The following RANBP17 variants were observed in gnomAD, a reference collection of about 807,000 sequenced individuals.
The protein encoded by RANBP17 is RAN binding protein 17, also known as ran-binding protein 17.
Under a neutral mutation model 141.2 loss-of-function variants are expected in RANBP17, and 158 were observed. That is an observed-to-expected ratio of 1.12 (90% CI 0.98 to 1.28). The LOEUF (loss-of-function observed/expected upper bound fraction) is 1.28, where lower values mean the gene tolerates loss of function less well. Among genes scored for constraint, RANBP17 ranks in the 50% most tolerant of loss-of-function variants. The pLI is 0.00. For missense variants in RANBP17, 1,438 were observed against 1,290.7 expected (o/e 1.11, Z -1.75); for synonymous variants, 430 against 450.0 (o/e 0.96, Z 0.56).
At chr5:171,272,971 A>G (rs1351821940) in intron 25 of RANBP17, among the ~76,000 whole-genome samples, 1 of 152,152 alleles carries the variant, frequency 6.6e-6, no homozygotes, top group East Asian at 1.9e-4. Flanking sequence ...TTGAAGGTAT[A>G]TAATTTAGTA....
At chr5:171,180,656 A>G (rs928811061) in intron 16 of RANBP17, among the ~76,000 whole-genome samples, 2 of 152,236 alleles carry the variant, frequency 1.3e-5, no homozygotes, top group African/African-American at 2.4e-5. Context: ...AGCCAGAACT[A>G]GCTTTGAATT....
At chr5:171,234,010 A>C (rs1764370593) in intron 22 of RANBP17, among the ~76,000 whole-genome samples, 1 of 151,286 alleles carries the variant, frequency 6.6e-6, no homozygotes, top group Non-Finnish European at 1.5e-5. Context: ...TAATCGCTGT[A>C]CCTCTCTCTC....
intron 2 of RANBP17, 66 bp from the exon 3 acceptor site, chr5:170,881,740 A>C: frequency 8.8e-7 from 1 of 1,132,648 alleles, no homozygotes; most frequent in Non-Finnish European, 1.2e-6. Context: ...TTAGAAGAAC[A>C]TCTCTATCAC....
intron 5 of RANBP17, chr5:170,896,332 T>G: frequency 2.1e-6 from 1 of 469,388 alleles, no homozygotes; most frequent in Non-Finnish European, 3.7e-6. Flanking sequence ...TACAGAGTAT[T>G]ACAAAGAACA....
intron 12 of RANBP17, among the ~76,000 whole-genome samples, chr5:170,933,888 C>G (rs1313138384): frequency 6.6e-6 from 1 of 152,152 alleles, no homozygotes. Flanking sequence ...AATGTATATT[C>G]TGTTGATTTG....
At chr5:171,157,209 G>C (rs749691905) in intron 14 of RANBP17, among the ~76,000 whole-genome samples, 1 of 152,118 alleles carries the variant, frequency 6.6e-6, no homozygotes, top group Non-Finnish European at 1.5e-5. Flanking sequence ...TTCCTAATTA[G>C]TCTAAATGTC....
intron 10 of RANBP17, 124 bp from the exon 11 acceptor site, chr5:170,919,317 G>A: frequency 7.4e-6 from 5 of 673,034 alleles, no homozygotes; most frequent in Non-Finnish European, 1.1e-5. Flanking sequence ...TATATTATGT[G>A]TTCATTAGTT....
intron 14 of RANBP17, among the ~76,000 whole-genome samples, chr5:171,005,678 G>T (rs1277023003): frequency 6.6e-6 from 1 of 152,154 alleles, no homozygotes; most frequent in African/African-American, 2.4e-5. Context: ...CAGGATATAG[G>T]CATGGGCAAG....
chr5:170,946,587 G>A (rs1774780038), intron 12 of RANBP17, among the ~76,000 whole-genome samples: 3 of 152,184 alleles, frequency 2.0e-5, no homozygotes, highest in Admixed American at 2.0e-4. Context: ...GCTCCTGTGG[G>A]CCTCTGACCA....
At chr5:171,021,043 G>A (rs1300560501) in intron 14 of RANBP17, among the ~76,000 whole-genome samples, 1 of 152,112 alleles carries the variant, frequency 6.6e-6, no homozygotes, top group Non-Finnish European at 1.5e-5. Context: ...GCTTAGTTTG[G>A]CTGGATATGA....
At chr5:171,226,798 T>C (rs965801717) in intron 22 of RANBP17, among the ~76,000 whole-genome samples, 14 of 152,198 alleles carry the variant, frequency 9.2e-5, no homozygotes, top group Non-Finnish European at 2.1e-4. Context: ...ATCACTTGCA[T>C]GTACTATTAG....
At chr5:170,976,933 T>G (rs903125967) in intron 14 of RANBP17, among the ~76,000 whole-genome samples, 5 of 152,088 alleles carry the variant, frequency 3.3e-5, no homozygotes, top group African/African-American at 4.8e-5. Flanking sequence ...TTTATGACTT[T>G]GGACAATGGT....
intron 13 of RANBP17, among the ~76,000 whole-genome samples, chr5:170,964,859 C>T (rs1461436600): frequency 5.3e-5 from 8 of 152,136 alleles, no homozygotes; most frequent in African/African-American, 1.2e-4. Flanking sequence ...AATAAACATA[C>T]GTGTGCATGT....
At position 170,911,523 on chromosome 5, in the gene RANBP17, C is replaced by T. The variant is rs1425261365; in HGVS notation, c.760+389C>T. On this transcript the variant is annotated intron_variant, in intron 7 of 27. Transcript: ENST00000523189. ...TCTTCAGGATCAGTGTTAGCAAAATCTGGTAATGAAGGTCTTGAAACTGGT... is the reference window on the plus strand; with the variant it reads ...TCTTCAGGATCAGTGTTAGCAAAATTTGGTAATGAAGGTCTTGAAACTGGT... 4.0e-5 allele frequency: 29 copies of T among 724,422 alleles called. No homozygotes were observed. In the East Asian group the frequency reaches 7.1e-4, roughly 18 times the overall value. The allele number at this position is 724,422 out of a possible 1,614,324, so 44.9% of individuals were successfully genotyped here. A position where few individuals can be genotyped will look rare whatever the true frequency, so the allele number is the denominator to read the frequency against.
chr5:170,935,306 C>T (rs750298724), intron 12 of RANBP17, among the ~76,000 whole-genome samples: 6 of 152,192 alleles, frequency 3.9e-5, no homozygotes, highest in African/African-American at 1.4e-4. Context: ...CTTCTTCTCT[C>T]GAATCGTCAA....
In RANBP17 at chr5:171,226,636, G is replaced by A. The variant is rs567739496; in HGVS notation, c.2422+4796G>A. ...ACCCTTGGTTTTGCAGAGCTGTAGA[G>A]GCCTGTGAAAGTGCCACAGCAGCCC... On this transcript the variant is annotated intron_variant, in intron 22 of 27. Transcript: ENST00000523189. 1.7e-4 allele frequency among the ~76,000 whole-genome samples: 26 copies of A among 152,152 alleles called. 2 individuals carry two copies. In the South Asian group the frequency reaches 5.4e-3, roughly 32 times the overall value.
Position 171,267,328 on chromosome 5 carries a change from G to A in RANBP17, c.2943+1481G>A, listed in dbSNP as rs189643780. Among the ~76,000 whole-genome samples the A allele has an allele frequency of 9.9e-4, 150 of 151,916 alleles. No individual in the cohort carries two copies. The South Asian group carries it at 0.014, about 14-fold the overall frequency. ...CAAGGTGCTGGGATTACAGGTGTGA[G>A]CCACTGCACCTAGCCCTATCACTGT... is the stretch of plus-strand genomic sequence containing the variant. On this transcript the variant is annotated intron_variant, in intron 25 of 27. Coordinates refer to ENST00000523189, the MANE Select transcript of RANBP17 (RefSeq NM_022897.5).
chr5:170,953,631 A>C lies in RANBP17; in HGVS notation c.1503A>C (p.Thr501=). ...RLAWLVYLVG[T]VVGGRLTYTS... is the part of the protein sequence containing the mutation. The stretch of plus-strand genomic sequence containing the variant: ...CATGGCTGGTATACTTAGTTGGGAC[A>C]GTTGTAGGAGGAAGATTAACATATA... Residue 501 remains threonine (T), a synonymous_variant, in exon 13 of 28, where the codon ACA becomes ACC. Coordinates refer to ENST00000523189, the MANE Select transcript of RANBP17 (RefSeq NM_022897.5). 6.2e-7 allele frequency: 1 copy of C among 1,611,904 alleles called. No individual in the cohort carries two copies. The highest frequency in any genetic ancestry group is 8.5e-7 in the Non-Finnish European group (1 of 1,178,300).
chr5:170,894,717 A>G (rs1046972194), intron 4 of RANBP17, among the ~76,000 whole-genome samples: 3 of 151,838 alleles, frequency 2.0e-5, no homozygotes, highest in African/African-American at 4.8e-5. Context: ...CCACACTCCA[A>G]ACATACTTAT....
Sources: gnomAD v4.1 joint callset for allele counts (sites outside exome capture counted in the v4.1 genomes callset) on GRCh38, gnomAD v4.1.1 for gene constraint, MANE v1.5 for transcripts, NCBI Gene and HGNC (gene_info 2026-07-23, HGNC 2026-07-21) for gene names.